Variants in CASP1 observed in about 807,000 individuals in gnomAD.
CASP1 encodes the protein caspase-1.
Under a neutral mutation model 41.2 loss-of-function variants are expected in CASP1, and 31 were observed. That is an observed-to-expected ratio of 0.75 (90% CI 0.57 to 1.02). The LOEUF (loss-of-function observed/expected upper bound fraction) is 1.02. CASP1 is among the 50% of genes least tolerant of loss of function. The pLI is 0.00. For missense variants in CASP1, 490 were observed against 495.7 expected, an observed-to-expected ratio of 0.99 and a Z score of 0.11; for synonymous variants, 163 against 166.5, an observed-to-expected ratio of 0.98 and a Z score of 0.16.
At chr11:105,031,141 A>C in intron 4 of CASP1, 24 bp downstream of exon 4, 1 of 1,360,060 alleles carries the variant, frequency 7.4e-7, no homozygotes, top group Non-Finnish European at 1.1e-6. Flanking sequence ...ACCCCACTCT[A>C]TCCTTGGGTT....
rs759076619 is a variant in CASP1, at chr11:105,029,282, T to C, written c.863-15A>G. The C allele has an allele frequency of 3.1e-6, 5 of 1,606,104 alleles. No individual in the cohort carries two copies. The South Asian group carries it at 4.5e-5, about 14-fold the overall frequency. ...ACCAGGGCTGTCTGGAAAGACACAGTTTGATTTGTTACTACTACCAATGGC... is the reference window on the plus strand; with the variant it reads ...ACCAGGGCTGTCTGGAAAGACACAGCTTGATTTGTTACTACTACCAATGGC... On this transcript the variant is annotated splice_polypyrimidine_tract_variant and intron_variant, in intron 6 of 8. Transcript: ENST00000533400.
rs758330498 is a variant in CASP1, at chr11:105,031,290, A to G, written c.338-10T>C. On this transcript the variant is annotated splice_polypyrimidine_tract_variant and intron_variant, in intron 3 of 8. Coordinates refer to ENST00000533400, the MANE Select transcript of CASP1 (RefSeq NM_001257118.3). ...TGCACTGCCTGAGGAGCTGCAAGAG[A>G]CAAAGAACATCATGAACAGTGGCAT... is the stretch of plus-strand genomic sequence containing the variant. 11 of 1,491,652 alleles carry G rather than the reference A, an allele frequency of 7.4e-6. No individual in the cohort carries two copies. Among genetic ancestry groups the G allele is most frequent in the Non-Finnish European group, 1.0e-5 (11 of 1,069,418 alleles). The allele number at this position is 1,491,652 out of a possible 1,614,324, so 92.4% of individuals were successfully genotyped here.
intron 7 of CASP1, chr11:105,027,252 C>G (rs1863366418): frequency 1.8e-6 from 1 of 566,998 alleles, no homozygotes; most frequent in Non-Finnish European, 3.1e-6. Flanking sequence ...TATCTGAGGT[C>G]ACGCAAGTGT....
intron 8 of CASP1, 87 bp from the exon 9 acceptor site, chr11:105,026,443 C>A (rs1863291535): frequency 2.6e-6 from 2 of 780,900 alleles, no homozygotes; most frequent in East Asian, 5.1e-5. Context: ...AAAACTACAA[C>A]AAATATAGCA....
chr11:105,027,935 A>G lies in CASP1; in HGVS notation c.1007-984T>C, dbSNP rs573240493. Among the ~76,000 whole-genome samples the G allele has an allele frequency of 2.6e-5, 4 of 152,226 alleles. No homozygotes were observed. In the South Asian group the frequency reaches 8.3e-4, roughly 32 times the overall value. On this transcript the variant is annotated intron_variant, in intron 7 of 8. Transcript: ENST00000533400. ...GAATTGGAGTTTCTGACAGTCATCT[A>G]GAAGGTAGGAGTAAGGAAAGTGAAA...
chr11:105,028,762 G>A (rs970120895), intron 7 of CASP1, among the ~76,000 whole-genome samples: 4 of 152,014 alleles, frequency 2.6e-5, no homozygotes, highest in Non-Finnish European at 5.9e-5. Context: ...TCAGAATCTT[G>A]CTCTTACTCT....
At chr11:105,032,230 G>T (rs895223784) in intron 3 of CASP1, among the ~76,000 whole-genome samples, 10 of 152,014 alleles carry the variant, frequency 6.6e-5, no homozygotes, top group Admixed American at 2.6e-4. Context: ...TAGATATATT[G>T]GAAAAAATTA....
At chr11:105,030,289 G>A (rs889587374) in intron 5 of CASP1, 41 bp downstream of exon 5, 29 of 1,484,022 alleles carry the variant, frequency 2.0e-5, no homozygotes, top group Non-Finnish European at 2.6e-5. Context: ...TCAGTTATAC[G>A]AAGGGCATAA....
chr11:105,032,985 T>C, intron 3 of CASP1, 79 bp downstream of exon 3: 1 of 851,048 alleles, frequency 1.2e-6, no homozygotes, highest in East Asian at 2.5e-5. Context: ...ATAGCCCATT[T>C]ACCCACGTTT....
chr11:105,029,603 G>T, intron 6 of CASP1, 62 bp downstream of exon 6: 2 of 1,227,192 alleles, frequency 1.6e-6, no homozygotes, highest in Non-Finnish European at 2.4e-6. Flanking sequence ...AAAAATTCTT[G>T]GATGCATACA....
rs761442364 is a variant in CASP1, at chr11:105,025,520, T to C, written c.*738A>G. The C allele has an allele frequency of 1.7e-5, 7 of 417,266 alleles. No individual in the cohort carries two copies. Among genetic ancestry groups the C allele is most frequent in the South Asian group, 1.1e-4 (6 of 55,866 alleles). The allele number at this position is 417,266 out of a possible 1,614,324, so 25.8% of individuals were successfully genotyped here. ...AAATGAGGACAAGTTTTCATTTTTC[T>C]ACCAGATTTATTATTTCAAAAAAGT... On this transcript the variant is annotated 3_prime_UTR_variant, in exon 9 of 9. Coordinates refer to ENST00000533400, the MANE Select transcript of CASP1 (RefSeq NM_001257118.3).
upstream of CASP1, among the ~76,000 whole-genome samples, chr11:105,035,737 T>A (rs2134874825): frequency 6.7e-6 from 1 of 149,782 alleles, no homozygotes; most frequent in East Asian, 2.0e-4. Context: ...CAACTCAGCC[T>A]CCCGAGTAGC....
upstream of CASP1, among the ~76,000 whole-genome samples, chr11:105,035,796 T>G (rs1358884393): frequency 4.6e-5 from 7 of 151,978 alleles, no homozygotes; most frequent in Non-Finnish European, 5.9e-5. Flanking sequence ...TTGTATCTCT[T>G]GTAAAGACAG....
At position 105,034,317 on chromosome 11, in the gene CASP1, T is replaced by C; in HGVS notation, c.165A>G (p.Arg55=). The C allele has an allele frequency of 1.2e-6, 2 of 1,614,088 alleles. No homozygotes were observed. The highest frequency in any genetic ancestry group is 1.7e-6 in the Non-Finnish European group (2 of 1,179,984). Residue 55 remains arginine, a synonymous_variant, in exon 2 of 9, where the codon CGA becomes CGG. Transcript: ENST00000533400. The stretch of plus-strand genomic sequence containing the variant: ...TCGGAATAACGGAGTCAATCAAAGC[T>C]CGGGTCTTATCCATAACTGTAGCAT... ...RENATVMDKT[R]ALIDSVIPKG...
chr11:105,029,789 C>T lies in CASP1; in HGVS notation c.738G>A (p.Lys246=). Residue 246 remains lysine, a synonymous_variant, in exon 6 of 9, where the codon AAG becomes AAA. Transcript: ENST00000533400. ...TATCTGGGACTTGCTCAGAGTGTTT[C>T]TTCCCACAAATGCCTTCCCGAATAC... The part of the protein sequence containing the change: ...SHGIREGICG[K]KHSEQVPDIL... 1.2e-6 allele frequency: 2 copies of T among 1,613,698 alleles called. No individual in the cohort carries two copies. The highest frequency in any genetic ancestry group is 1.7e-6 in the Non-Finnish European group (2 of 1,179,710).
At chr11:105,034,673 A>C (rs1863913788) in intron 1 of CASP1, 199 bp from the exon 2 acceptor site, 4 of 882,056 alleles carry the variant, frequency 4.5e-6, no homozygotes, top group Non-Finnish European at 3.4e-6. Context: ...AGTGACCTGA[A>C]GACTGAGTTT....
intron 1 of CASP1, 147 bp from the exon 2 acceptor site, chr11:105,034,621 G>C (rs1863910900): frequency 7.5e-7 from 1 of 1,336,370 alleles, no homozygotes; most frequent in Admixed American, 2.2e-5. Context: ...CTGTATTGCT[G>C]TCCTACTTGT....
intron 3 of CASP1, among the ~76,000 whole-genome samples, chr11:105,031,489 T>C (rs1863695325): frequency 6.6e-6 from 1 of 152,210 alleles, no homozygotes; most frequent in Non-Finnish European, 1.5e-5. Flanking sequence ...ATTACAAGTA[T>C]CTTCTTTCAT....
At chr11:105,026,501 C>A in intron 8 of CASP1, 145 bp from the exon 9 acceptor site, 2 of 622,232 alleles carry the variant, frequency 3.2e-6, no homozygotes, top group South Asian at 3.9e-5. Flanking sequence ...ACAAGTATAA[C>A]CATATATGTA....
Sources: gnomAD v4.1 joint callset for allele counts (sites outside exome capture counted in the v4.1 genomes callset) on GRCh38, gnomAD v4.1.1 for gene constraint, MANE v1.5 for transcripts, NCBI Gene and HGNC (gene_info 2026-07-23, HGNC 2026-07-21) for gene names.